The following ENPP6 variants were observed in gnomAD, a reference collection of about 807,000 sequenced individuals.
ENPP6 encodes the protein glycerophosphocholine cholinephosphodiesterase ENPP6.
Under a neutral mutation model 42.0 loss-of-function variants are expected in ENPP6, and 32 were observed. The ratio of observed to expected loss-of-function variants is 0.76; its 90% confidence interval spans 0.58 to 1.02. ENPP6 has a LOEUF of 1.02. ENPP6 is among the 50% of genes least tolerant of loss of function. The probability of loss-of-function intolerance (pLI) is 0.00; values close to 1 mark genes in which losing one functional copy is unlikely to be tolerated. For synonymous variants in ENPP6, 213 were observed against 216.0 expected, an observed-to-expected ratio of 0.99 and a Z score of 0.12; for missense variants, 552 against 566.8, an observed-to-expected ratio of 0.97 and a Z score of 0.27.
At chr4:184,136,579 T>C (rs1468828339) in intron 2 of ENPP6, among the ~76,000 whole-genome samples, 1 of 152,236 alleles carries the variant, frequency 6.6e-6, no homozygotes, top group Non-Finnish European at 1.5e-5. Flanking sequence ...CTCAGTTTAC[T>C]ATGCTATCAT....
In ENPP6 at chr4:184,097,405, C is replaced by A. The variant is rs989278010; in HGVS notation, c.994-37G>T. ...CAAGGCAGACACATGACACTACGTC[C>A]TGACCGTGGCGCTGAGCGGGCATCT... On this transcript the variant is annotated intron_variant, in intron 6 of 7. Coordinates refer to ENST00000296741, the MANE Select transcript of ENPP6 (RefSeq NM_153343.4). 8 of 1,610,834 alleles carry A rather than the reference C, an allele frequency of 5.0e-6. No individual in the cohort carries two copies. The Admixed American group carries it at 5.0e-5, about 10-fold the overall frequency.
intron 1 of ENPP6, among the ~76,000 whole-genome samples, chr4:184,194,238 G>A (rs1246879902): frequency 1.3e-5 from 2 of 152,108 alleles, no homozygotes; most frequent in South Asian, 2.1e-4. Flanking sequence ...GAATATAAAC[G>A]ATTCACTGAG....
rs772137303 is a variant in ENPP6 at position 184,153,705 on chromosome 4, G to A, written c.270C>T (p.Ile90=). The A allele has an allele frequency of 5.6e-6, 9 of 1,614,012 alleles. No homozygotes were observed. Among genetic ancestry groups the A allele is most frequent in the African/African-American group, 5.3e-5 (4 of 74,904 alleles). ...TGRHCEVHQM[I]GNYMWDPTTN... is the part of the protein sequence containing the mutation. Reference sequence around the variant, plus strand: ...TGGTGGGGTCCCACATGTAGTTCCCGATCATCTGATGGACTTCACAATGGC... The same window carrying A: ...TGGTGGGGTCCCACATGTAGTTCCCAATCATCTGATGGACTTCACAATGGC... Residue 90 remains isoleucine (I), a synonymous_variant, in exon 2 of 8, where the codon ATC becomes ATT. Transcript: ENST00000296741.
chr4:184,177,004 C>T (rs993258302), intron 1 of ENPP6, among the ~76,000 whole-genome samples: 4 of 152,202 alleles, frequency 2.6e-5, no homozygotes, highest in African/African-American at 9.6e-5. Context: ...GTACAACCTA[C>T]AGGTCAGGAG....
chr4:184,111,987 T>C (rs1365941127), intron 6 of ENPP6, among the ~76,000 whole-genome samples: 2 of 152,222 alleles, frequency 1.3e-5, no homozygotes, highest in Admixed American at 6.5e-5. Context: ...CAATTACTTT[T>C]GAACCAAGCT....
At chr4:184,174,915 T>C (rs1737536437) in intron 1 of ENPP6, among the ~76,000 whole-genome samples, 1 of 152,248 alleles carries the variant, frequency 6.6e-6, no homozygotes, top group Non-Finnish European at 1.5e-5. Context: ...CCCTGCTTAC[T>C]GTCTCTTGTT....
At chr4:184,107,913 T>C (rs1370984258) in intron 6 of ENPP6, among the ~76,000 whole-genome samples, 1 of 135,700 alleles carries the variant, frequency 7.4e-6, no homozygotes, top group Admixed American at 7.2e-5. Flanking sequence ...AGACTCAGTC[T>C]CAATAAAAAA....
At chr4:184,191,229 C>G (rs1732709320) in intron 1 of ENPP6, among the ~76,000 whole-genome samples, 1 of 152,216 alleles carries the variant, frequency 6.6e-6, no homozygotes, top group African/African-American at 2.4e-5. Flanking sequence ...TTTATGGGCC[C>G]TGTAATCTTG....
chr4:184,183,371 A>C (rs1196115153), intron 1 of ENPP6, among the ~76,000 whole-genome samples: 1 of 152,232 alleles, frequency 6.6e-6, no homozygotes, highest in African/African-American at 2.4e-5. Flanking sequence ...AAGCGTAGAC[A>C]CTTCCCACCA....
chr4:184,217,713 G>A lies in ENPP6; in HGVS notation c.107C>T (p.Ser36Leu), dbSNP rs375902924. ...LLVFLLDGFRSDYISDEALES... is the reference protein window; with the variant it reads ...LLVFLLDGFRLDYISDEALES... The stretch of plus-strand genomic sequence containing the variant: ...CAGCGCCTCATCACTGATGTAGTCT[G>A]AGCGAAAACCATCCAGCAGAAACAC... The change falls in exon 1 of 8, where the codon TCA becomes TTA. Residue 36 changes from serine (S) to leucine (L), a missense_variant. Physicochemically the swap from Ser to Leu is moderately radical, Grantham distance 145 (BLOSUM62 -2). Coordinates refer to ENST00000296741, the MANE Select transcript of ENPP6 (RefSeq NM_153343.4). The A allele has an allele frequency of 1.4e-5, 23 of 1,614,068 alleles. No homozygotes were observed. The highest frequency in any genetic ancestry group is 1.9e-5 in the Non-Finnish European group (22 of 1,180,048).
At chr4:184,125,398 G>A (rs904396706) in intron 2 of ENPP6, among the ~76,000 whole-genome samples, 1 of 152,162 alleles carries the variant, frequency 6.6e-6, no homozygotes, top group Non-Finnish European at 1.5e-5. Context: ...ACCATAAAAT[G>A]CCAGACAATG....
intron 4 of ENPP6, 108 bp downstream of exon 4, chr4:184,117,651 A>G (rs371948655): frequency 1.1e-4 from 169 of 1,516,284 alleles, no homozygotes; most frequent in African/African-American, 9.4e-4. Flanking sequence ...TGCTGGCCCA[A>G]TTGGCCTTTA....
chr4:184,178,910 A>G (rs929370934), intron 1 of ENPP6, among the ~76,000 whole-genome samples: 1 of 152,244 alleles, frequency 6.6e-6, no homozygotes, highest in Non-Finnish European at 1.5e-5. Context: ...ATTACCAGCC[A>G]CTACAAAAAC....
chr4:184,122,815 T>G (rs1736441239), intron 3 of ENPP6, among the ~76,000 whole-genome samples: 1 of 152,218 alleles, frequency 6.6e-6, no homozygotes, highest in African/African-American at 2.4e-5. Flanking sequence ...CCATGGCCTG[T>G]GGGGATGGCT....
At chr4:184,198,692 T>A (rs1004777123) in intron 1 of ENPP6, among the ~76,000 whole-genome samples, 1 of 152,210 alleles carries the variant, frequency 6.6e-6, no homozygotes, top group African/African-American at 2.4e-5. Flanking sequence ...AAATCACAAA[T>A]GGGGATTTAA....
At chr4:184,171,282 A>G (rs1399277559) in intron 1 of ENPP6, among the ~76,000 whole-genome samples, 1 of 152,204 alleles carries the variant, frequency 6.6e-6, no homozygotes, top group Admixed American at 6.5e-5. Context: ...GCCTCTCCAT[A>G]TGGCCACCTG....
intron 2 of ENPP6, among the ~76,000 whole-genome samples, chr4:184,141,070 T>G: frequency 6.6e-6 from 1 of 151,006 alleles, no homozygotes; most frequent in Non-Finnish European, 1.5e-5. Context: ...CGTCAAAAAG[T>G]GGGCGAAGGA....
In ENPP6 at chr4:184,153,709, A is replaced by T. The variant is rs979408607; in HGVS notation, c.266T>A (p.Met89Lys). The T allele has an allele frequency of 6.2e-7, 1 of 1,614,030 alleles. No homozygotes were observed. Among genetic ancestry groups the T allele is most frequent in the Non-Finnish European group, 8.5e-7 (1 of 1,180,022 alleles). Residue 89 changes from methionine to lysine, a missense_variant, in exon 2 of 8, where the codon ATG (methionine) becomes AAG (lysine). This residue lies in a region of ENPP6 where 545 missense variants were observed against 546.3 expected (regional missense o/e 1.00). Transcript: ENST00000296741. ...GGGGTCCCACATGTAGTTCCCGATC[A>T]TCTGATGGACTTCACAATGGCGGCC... is the stretch of plus-strand genomic sequence containing the variant. ...MTGRHCEVHQMIGNYMWDPTT... is the reference protein window; with the variant it reads ...MTGRHCEVHQKIGNYMWDPTT...
intron 6 of ENPP6, among the ~76,000 whole-genome samples, chr4:184,105,568 C>T (rs1041867237): frequency 2.6e-5 from 4 of 152,100 alleles, no homozygotes; most frequent in South Asian, 2.1e-4. Context: ...AATGCTGAGC[C>T]GCCATTAACT....
Sources: allele counts gnomAD v4.1 joint callset (sites outside exome capture counted in the v4.1 genomes callset), GRCh38; gene constraint gnomAD v4.1.1; regional missense constraint gnomAD v4.1.1; transcripts MANE v1.5; gene names NCBI Gene and HGNC (gene_info 2026-07-23, HGNC 2026-07-21).